Variants in EPHA4 observed in about 807,000 individuals in gnomAD.
EPHA4 encodes ephrin type-A receptor 4.
A neutral mutation model predicts 108.3 loss-of-function variants in EPHA4; 19 were observed. That is an observed-to-expected ratio of 0.18 (90% CI 0.12 to 0.26). The LOEUF (loss-of-function observed/expected upper bound fraction) is 0.26. Among genes scored for constraint, EPHA4 ranks in the 10% least tolerant of loss-of-function variants. The pLI is 1.00. For synonymous variants in EPHA4, 449 were observed against 455.5 expected, an observed-to-expected ratio of 0.99 and a Z score of 0.18; for missense variants, 917 against 1,254.0, an observed-to-expected ratio of 0.73 and a Z score of 4.06.
chr2:221,520,497 T>C, intron 3 of EPHA4, among the ~76,000 whole-genome samples: 1 of 140,402 alleles, frequency 7.1e-6, no homozygotes, highest in East Asian at 2.1e-4. Context: ...TAAGACTTAT[T>C]TCCTCTAACC....
At chr2:221,447,819 ATT>A (rs1178921734) in intron 8 of EPHA4, among the ~76,000 whole-genome samples, 1 of 60,246 alleles carries the variant, frequency 1.7e-5, no homozygotes, top group Non-Finnish European at 3.4e-5. Flanking sequence ...CAAAGGGTCT[ATT>A]TTTATTTATT....
upstream of EPHA4, chr2:221,572,399 C>A: frequency 1.7e-6 from 1 of 592,730 alleles, no homozygotes; most frequent in Non-Finnish European, 2.8e-6. Context: ...CCAATGGCGG[C>A]GCAGACAGGG....
rs879197221 is a variant in EPHA4 at position 221,457,812 on chromosome 2, AGAAGGAAGGAAG to A, written c.1443+42_1443+53del. The A allele has an allele frequency of 6.3e-6, 10 of 1,585,488 alleles. No homozygotes were observed. In the Middle Eastern group the frequency reaches 6.7e-4, roughly 106 times the overall value. On this transcript the variant is annotated intron_variant, in intron 6 of 17. Coordinates refer to ENST00000281821, the MANE Select transcript of EPHA4 (RefSeq NM_004438.5). ...AAGGAGAAAGGAAAGAAGAAAACAA[AGAAGGAAGGAAG>A]GAAGGAAGAAAGGAAAGGAGTGTTG...
chr2:221,496,373 T>C (rs1005624534), intron 4 of EPHA4, among the ~76,000 whole-genome samples: 1 of 152,110 alleles, frequency 6.6e-6, no homozygotes, highest in Non-Finnish European at 1.5e-5. Flanking sequence ...GACTTTAAGG[T>C]TAAATAGCCA....
At chr2:221,534,472 A>C (rs1171952417) in intron 3 of EPHA4, among the ~76,000 whole-genome samples, 3 of 152,212 alleles carry the variant, frequency 2.0e-5, no homozygotes, top group Non-Finnish European at 4.4e-5. Flanking sequence ...TCACCCCCTC[A>C]GATGAAAAAC....
intron 3 of EPHA4, among the ~76,000 whole-genome samples, chr2:221,530,435 C>A (rs1180672066): frequency 6.6e-6 from 1 of 152,172 alleles, no homozygotes; most frequent in Non-Finnish European, 1.5e-5. Context: ...GAAACATTTG[C>A]GCGCAGTAGG....
At chr2:221,550,621 T>G (rs1295182314) in intron 3 of EPHA4, among the ~76,000 whole-genome samples, 1 of 152,230 alleles carries the variant, frequency 6.6e-6, no homozygotes, top group Non-Finnish European at 1.5e-5. Context: ...ATTCCCATTT[T>G]ATAGAAGAGA....
chr2:221,558,267 G>A (rs905399998), intron 3 of EPHA4, among the ~76,000 whole-genome samples: 63 of 152,218 alleles, frequency 4.1e-4, no homozygotes, highest in African/African-American at 1.5e-3. Context: ...GTTGGAGTAA[G>A]CTTTTGAAAA....
At chr2:221,564,949 A>G (rs1401534455) in intron 2 of EPHA4, among the ~76,000 whole-genome samples, 1 of 151,522 alleles carries the variant, frequency 6.6e-6, no homozygotes, top group Non-Finnish European at 1.5e-5. Context: ...TACTCTTTAA[A>G]GGTGAAAAGA....
At chr2:221,460,430 A>G (rs1398530914) in intron 5 of EPHA4, among the ~76,000 whole-genome samples, 1 of 152,208 alleles carries the variant, frequency 6.6e-6, no homozygotes, top group Non-Finnish European at 1.5e-5. Context: ...ATTGTGTTGT[A>G]TGGCTGCAAA....
chr2:221,491,217 C>T (rs1453694096), intron 4 of EPHA4, among the ~76,000 whole-genome samples: 1 of 152,112 alleles, frequency 6.6e-6, no homozygotes, highest in Non-Finnish European at 1.5e-5. Context: ...TATAAATTCT[C>T]AGTTATACAC....
intron 3 of EPHA4, among the ~76,000 whole-genome samples, chr2:221,525,459 T>C (rs944828854): frequency 6.6e-6 from 1 of 152,194 alleles, no homozygotes; most frequent in Non-Finnish European, 1.5e-5. Flanking sequence ...TGCCATTAGT[T>C]CCGGCAGTGA....
At chr2:221,487,137 T>C (rs1252557314) in intron 4 of EPHA4, among the ~76,000 whole-genome samples, 3 of 123,986 alleles carry the variant, frequency 2.4e-5, no homozygotes, top group Non-Finnish European at 5.4e-5. Flanking sequence ...CATTCATTTA[T>C]TCAAAAAACA....
At chr2:221,475,063 T>G (rs2106134398) in intron 5 of EPHA4, among the ~76,000 whole-genome samples, 1 of 152,104 alleles carries the variant, frequency 6.6e-6, no homozygotes, top group East Asian at 1.9e-4. Flanking sequence ...TAGAGATGGG[T>G]TTTTGCCATG....
Position 221,446,328 on chromosome 2 carries a change from T to C in EPHA4, c.1716-147A>G, listed in dbSNP as rs1008006077. 7 of 395,598 alleles carry C rather than the reference T, an allele frequency of 1.8e-5. No individual in the cohort carries two copies. In the Admixed American group the frequency reaches 1.8e-4, roughly 10 times the overall value. The allele number at this position is 395,598 out of a possible 1,614,324, so 24.5% of individuals were successfully genotyped here. ...TGAGAAAACTGAGACTTACAAGAGA[T>C]GAAATACTTGTCACCTGGGTAGTGA... is the stretch of plus-strand genomic sequence containing the variant. On this transcript the variant is annotated intron_variant, in intron 8 of 17. Coordinates refer to ENST00000281821, the MANE Select transcript of EPHA4 (RefSeq NM_004438.5).
At chr2:221,461,701 C>T (rs1446880539) in intron 5 of EPHA4, among the ~76,000 whole-genome samples, 1 of 152,088 alleles carries the variant, frequency 6.6e-6, no homozygotes, top group Non-Finnish European at 1.5e-5. Context: ...GACTAAGTAC[C>T]ACCAAATACT....
intron 7 of EPHA4, among the ~76,000 whole-genome samples, chr2:221,456,063 C>T (rs1690942718): frequency 1.3e-5 from 2 of 152,028 alleles, no homozygotes; most frequent in South Asian, 4.2e-4. Flanking sequence ...AGGTATCTGA[C>T]ACTAATGCTT....
chr2:221,486,649 TCTTGAAC>T (rs1691981905), intron 4 of EPHA4, among the ~76,000 whole-genome samples: 1 of 151,314 alleles, frequency 6.6e-6, no homozygotes, highest in Non-Finnish European at 1.5e-5. Context: ...CAGGAGAATC[TCTTGAAC>T]CTGGGAGGCG....
chr2:221,434,885 AGTT>A (rs764353734), intron 13 of EPHA4, among the ~76,000 whole-genome samples: 3 of 101,514 alleles, frequency 3.0e-5, no homozygotes, highest in Non-Finnish European at 6.2e-5. Context: ...GCAGGATATT[AGTT>A]GTTATTAAAT....
Sources: gnomAD v4.1 joint callset for allele counts (sites outside exome capture counted in the v4.1 genomes callset) on GRCh38, gnomAD v4.1.1 for gene constraint, MANE v1.5 for transcripts, NCBI Gene and HGNC (gene_info 2026-07-23, HGNC 2026-07-21) for gene names.